CSMD2: variants seen among roughly 807,000 people sequenced by gnomAD.
CSMD2 encodes the protein CUB and Sushi multiple domains 2.
Under a neutral mutation model 398.5 loss-of-function variants are expected in CSMD2, and 130 were observed. That is an observed-to-expected ratio of 0.33 (90% CI 0.28 to 0.38). CSMD2 has a LOEUF of 0.38. Among genes scored for constraint, CSMD2 ranks in the 10% least tolerant of loss-of-function variants. CSMD2 has a pLI of 1.00. For synonymous variants in CSMD2, 1,828 were observed against 1,908.5 expected (o/e 0.96, Z 1.10); for missense variants, 3,829 against 4,764.9 (o/e 0.80, Z 5.78).
At chr1:33,735,098 T>C (rs1432214901) in intron 15 of CSMD2, among the ~76,000 whole-genome samples, 1 of 152,238 alleles carries the variant, frequency 6.6e-6, no homozygotes, top group Non-Finnish European at 1.5e-5. Context: ...TCGTTCTATT[T>C]GGAGATGCTT....
intron 55 of CSMD2, among the ~76,000 whole-genome samples, chr1:33,555,324 G>A (rs1657854351): frequency 6.6e-6 from 1 of 152,198 alleles, no homozygotes; most frequent in African/African-American, 2.4e-5. Context: ...ATGAGAAGCT[G>A]CTTCTTGTGG....
chr1:34,113,698 TAAC>T (rs913918274), intron 1 of CSMD2, among the ~76,000 whole-genome samples: 21 of 152,170 alleles, frequency 1.4e-4, no homozygotes, highest in African/African-American at 4.6e-4. Flanking sequence ...AACACTGACT[TAAC>T]AACAATACAC....
chr1:33,998,526 C>T (rs943043681), intron 3 of CSMD2, among the ~76,000 whole-genome samples: 3 of 152,216 alleles, frequency 2.0e-5, no homozygotes, highest in Non-Finnish European at 2.9e-5. Flanking sequence ...TGCCCAGCTT[C>T]GTTAACTTTG....
chr1:33,845,066 T>C (rs1401942160), intron 6 of CSMD2, among the ~76,000 whole-genome samples: 2 of 152,210 alleles, frequency 1.3e-5, no homozygotes, highest in South Asian at 2.1e-4. Context: ...TCTACAGATA[T>C]ATGCTTATAC....
At chr1:33,994,736 T>C (rs959761758) in intron 3 of CSMD2, among the ~76,000 whole-genome samples, 5 of 152,216 alleles carry the variant, frequency 3.3e-5, no homozygotes, top group South Asian at 2.1e-4. Flanking sequence ...TCTAATCTCA[T>C]TGGCCTCATT....
At position 33,834,254 on chromosome 1, in the gene CSMD2, T is replaced by C. The variant is rs1161886930; in HGVS notation, c.1034-8480A>G. Among the ~76,000 whole-genome samples, 485 of 73,112 alleles carry C rather than the reference T, an allele frequency of 6.6e-3. 7 individuals carry two copies. The highest frequency in any genetic ancestry group is 0.014 in the Middle Eastern group (2 of 144). The allele number at this position is 73,112 out of a possible 152,430, so 48.0% of individuals were successfully genotyped here. ...CACGCTACCTGACTTCAAACTACAC[T>C]ACAAGGCTACAGTAACCAAAACAGC... On this transcript the variant is annotated intron_variant, in intron 6 of 70. Transcript: ENST00000373381.
At chr1:33,648,032 T>C (rs1490274994) in intron 28 of CSMD2, among the ~76,000 whole-genome samples, 1 of 152,104 alleles carries the variant, frequency 6.6e-6, no homozygotes, top group Admixed American at 6.6e-5. Flanking sequence ...ACTTGATGGG[T>C]GTCAAAACCA....
intron 3 of CSMD2, among the ~76,000 whole-genome samples, chr1:33,940,798 G>A (rs759359787): frequency 6.6e-6 from 1 of 152,134 alleles, no homozygotes; most frequent in African/African-American, 2.4e-5. Flanking sequence ...GAGATTACCC[G>A]ACTGTCCAGA....
intron 15 of CSMD2, among the ~76,000 whole-genome samples, chr1:33,729,776 C>G (rs1646662771): frequency 6.6e-6 from 1 of 152,132 alleles, no homozygotes. Context: ...TATTGTTTCT[C>G]ATCCATCAGA....
At chr1:33,798,385 C>CA (rs1305667472) in intron 10 of CSMD2, among the ~76,000 whole-genome samples, 3 of 152,188 alleles carry the variant, frequency 2.0e-5, no homozygotes, top group Non-Finnish European at 4.4e-5. Context: ...GCTTGCCTGA[C>CA]AATTTAGAGT....
intron 3 of CSMD2, among the ~76,000 whole-genome samples, chr1:33,962,665 C>T (rs1645405647): frequency 6.6e-6 from 1 of 152,174 alleles, no homozygotes. Context: ...CTCCCTTGCT[C>T]CAGCCTCTGG....
At chr1:34,134,871 T>C (rs775163701) in intron 1 of CSMD2, among the ~76,000 whole-genome samples, 16 of 152,250 alleles carry the variant, frequency 1.1e-4, no homozygotes, top group Non-Finnish European at 2.1e-4. Flanking sequence ...TGAGCTACTT[T>C]TCTGATTTCC....
intron 25 of CSMD2, among the ~76,000 whole-genome samples, chr1:33,682,441 C>T (rs557477858): frequency 3.3e-5 from 5 of 152,200 alleles, no homozygotes; most frequent in South Asian, 2.1e-4. Flanking sequence ...CTCAGGAAGC[C>T]GATGAGAGCC....
intron 47 of CSMD2, among the ~76,000 whole-genome samples, chr1:33,581,529 CAAAAAAAAAAAAAAAA>C (rs59068586): frequency 0.059 from 2,190 of 37,008 alleles, 64 homozygotes; most frequent in Middle Eastern, 0.11. Flanking sequence ...GACTCAGTCT[CAAAAAAAAAAAAAAAA>C]AAAAAAAAAG....
rs185544295 is a variant in CSMD2, at chr1:33,750,700, G to A, written c.1847-7094C>T. Among the ~76,000 whole-genome samples, 18 of 152,322 alleles carry A rather than the reference G, an allele frequency of 1.2e-4. No homozygotes were observed. In the East Asian group the frequency reaches 3.1e-3, roughly 26 times the overall value. ...AAAGGAACCAAAAATATATGATAAA[G>A]GGGGCTTTTGAAATTAGCAGAGAGA... On this transcript the variant is annotated intron_variant, in intron 13 of 70. Coordinates refer to ENST00000373381, the MANE Select transcript of CSMD2 (RefSeq NM_001281956.2).
intron 13 of CSMD2, among the ~76,000 whole-genome samples, chr1:33,771,547 A>AT (rs201225021): frequency 0.042 from 6,314 of 149,440 alleles, 227 homozygotes; most frequent in African/African-American, 0.091. Context: ...GGACAACGTG[A>AT]TTTTTTTTTT....
At chr1:33,802,925 T>C (rs1186266592) in intron 10 of CSMD2, among the ~76,000 whole-genome samples, 1 of 152,182 alleles carries the variant, frequency 6.6e-6, no homozygotes, top group East Asian at 1.9e-4. Flanking sequence ...CTCTCTATCT[T>C]ATGTTCCTTG....
At chr1:33,582,069 G>A (rs902759009) in intron 47 of CSMD2, among the ~76,000 whole-genome samples, 8 of 152,146 alleles carry the variant, frequency 5.3e-5, no homozygotes, top group Non-Finnish European at 1.0e-4. Flanking sequence ...TTCCTGGAGC[G>A]GGTGAGCACC....
chr1:33,918,254 A>G lies in CSMD2; in HGVS notation c.760T>C (p.Ser254Pro). ...TACTCCGAGGGGAAGTGGGGGCTGG[A>G]GATGATGCCACTCTGGCCCCGCAGG... ...GTLRGQSGII[S>P]SPHFPSEYHN... The change falls in exon 5 of 71, where the codon TCC becomes CCC. Residue 254 changes from serine to proline, a missense_variant. This residue lies in a region of CSMD2 where 2,001 missense variants were observed against 2,567.1 expected (regional missense o/e 0.78). Transcript: ENST00000373381. The G allele has an allele frequency of 1.2e-6, 2 of 1,614,126 alleles. No homozygotes were observed. Among genetic ancestry groups the G allele is most frequent in the Non-Finnish European group, 1.7e-6 (2 of 1,180,040 alleles).
Sources: gnomAD v4.1 joint callset for allele counts (sites outside exome capture counted in the v4.1 genomes callset) on GRCh38, gnomAD v4.1.1 for gene constraint, gnomAD v4.1.1 regional missense constraint, MANE v1.5 for transcripts, NCBI Gene and HGNC (gene_info 2026-07-23, HGNC 2026-07-21) for gene names.